FAHD2B: variants seen among roughly 807,000 people sequenced by gnomAD.
FAHD2B encodes the protein fumarylacetoacetate hydrolase domain containing 2B.
FAHD2B carries 26 observed loss-of-function variants against 33.7 expected under a neutral mutation model. The ratio of observed to expected loss-of-function variants is 0.77; its 90% CI spans 0.57 to 1.07. FAHD2B has a LOEUF of 1.07. Ranked by LOEUF, FAHD2B falls within the 50% of genes least tolerant of loss-of-function variation. The probability of loss-of-function intolerance (pLI) is 0.00; values close to 1 mark genes in which losing one functional copy is unlikely to be tolerated. For missense variants in FAHD2B, 272 were observed against 388.1 expected (o/e 0.70, Z 2.51); for synonymous variants, 108 against 150.9 (o/e 0.72, Z 2.08).
At chr2:97,082,021 C>T (rs1370576455), downstream of FAHD2B, 12 of 1,569,968 alleles carry the variant, frequency 7.6e-6, 1 homozygote, top group East Asian at 2.3e-5. Context: ...AGGGCAACGG[C>T]GACTGAGCAG....
chr2:97,081,198 C>A, downstream of FAHD2B: 1 of 1,490,956 alleles, frequency 6.7e-7, no homozygotes, highest in East Asian at 2.3e-5. Flanking sequence ...AGCTGTACCG[C>A]CAGATCCTGC....
intron 4 of FAHD2B, among the ~76,000 whole-genome samples, chr2:97,088,703 G>C (rs949224730): frequency 6.6e-6 from 1 of 152,040 alleles, no homozygotes; most frequent in Non-Finnish European, 1.5e-5. Flanking sequence ...ACTGAATACA[G>C]TGTGTGCCCT....
At chr2:97,081,238 C>A, downstream of FAHD2B, 5 of 1,487,422 alleles carry the variant, frequency 3.4e-6, no homozygotes, top group Non-Finnish European at 4.5e-6. Context: ...GCAAGACCTG[C>A]TGCTGCTAAA....
chr2:97,084,166 C>T lies in FAHD2B; in HGVS notation c.794+3G>A. ...GGCTGGCAGGACAGCCCTTGTCACTCACTGGGAGACCCAGGCTATCAGGTC... is the reference window on the plus strand; with the variant it reads ...GGCTGGCAGGACAGCCCTTGTCACTTACTGGGAGACCCAGGCTATCAGGTC... On this transcript the variant is annotated splice_donor_region_variant and intron_variant, in intron 7 of 8. Coordinates refer to ENST00000414820, the MANE Select transcript of FAHD2B (RefSeq NM_001320848.2). 6.2e-7 allele frequency: 1 copy of T among 1,613,776 alleles called. No homozygotes were observed. Among genetic ancestry groups the T allele is most frequent in the Non-Finnish European group, 8.5e-7 (1 of 1,179,846 alleles).
downstream of FAHD2B, chr2:97,083,513 A>G: frequency 3.0e-6 from 2 of 667,732 alleles, no homozygotes; most frequent in Non-Finnish European, 4.8e-6. Context: ...TCTTCTTCCC[A>G]GTCCCACAAA....
intron 1 of FAHD2B, among the ~76,000 whole-genome samples, chr2:97,093,851 G>C (rs1215374846): frequency 6.6e-6 from 1 of 152,106 alleles, no homozygotes; most frequent in Non-Finnish European, 1.5e-5. Context: ...GCTTAAAGCG[G>C]TTAAGGGATT....
rs532378672 is a variant in FAHD2B at position 97,089,556 on chromosome 2, T to C, written c.462+553A>G. ...AAAAAAGGAAATAATAATATATTAA[T>C]GGACATGCAAAGTCTTTTCTACATA... is the stretch of plus-strand genomic sequence containing the variant. On this transcript the variant is annotated intron_variant, in intron 4 of 8. Transcript: ENST00000414820. Among the ~76,000 whole-genome samples the C allele has an allele frequency of 2.5e-3, 371 of 149,996 alleles. 7 individuals carry two copies. The highest frequency in any genetic ancestry group is 2.3e-3 in the Admixed American group (34 of 14,958).
chr2:97,090,047 T>G, intron 4 of FAHD2B, 62 bp downstream of exon 4: 1 of 1,515,354 alleles, frequency 6.6e-7, no homozygotes, highest in South Asian at 1.2e-5. Context: ...GGCTCAATAC[T>G]GAGCTCAGAA....
chr2:97,083,002 C>T (rs941051502), downstream of FAHD2B: 232 of 958,180 alleles, frequency 2.4e-4, 2 homozygotes, highest in Non-Finnish European at 3.0e-4. Flanking sequence ...GGCTGCTTTG[C>T]GGCAGCATTT....
downstream of FAHD2B, among the ~76,000 whole-genome samples, chr2:97,078,779 G>A (rs1052474604): frequency 3.9e-5 from 6 of 151,902 alleles, 1 homozygote; most frequent in Non-Finnish European, 8.8e-5. Context: ...TTTAAATTCA[G>A]GGGTACATGT....
downstream of FAHD2B, chr2:97,081,653 G>T (rs765533055): frequency 1.7e-5 from 24 of 1,421,548 alleles, no homozygotes; most frequent in Non-Finnish European, 2.0e-5. Flanking sequence ...GCCTTGCAGC[G>T]GGGAAGCCTA....
intron 1 of FAHD2B, among the ~76,000 whole-genome samples, chr2:97,092,967 A>G (rs2032441863): frequency 7.3e-6 from 1 of 136,656 alleles, no homozygotes; most frequent in African/African-American, 3.1e-5. Context: ...AGCGACTCCA[A>G]AAAAAAAAAA....
downstream of FAHD2B, chr2:97,082,270 T>C: frequency 6.4e-7 from 1 of 1,572,736 alleles, no homozygotes; most frequent in Non-Finnish European, 8.6e-7. Flanking sequence ...TCAAGGCCTT[T>C]GCACAGGCTG....
chr2:97,080,715 C>T (rs557114942), downstream of FAHD2B, among the ~76,000 whole-genome samples: 1 of 152,180 alleles, frequency 6.6e-6, no homozygotes, highest in Non-Finnish European at 1.5e-5. Context: ...TCTCCCTATA[C>T]ATGAGCATGG....
intron 4 of FAHD2B, among the ~76,000 whole-genome samples, chr2:97,089,345 C>A (rs554048213): frequency 6.6e-6 from 1 of 150,784 alleles, no homozygotes; most frequent in African/African-American, 2.4e-5. Flanking sequence ...ATGGTAAAAC[C>A]CCATCTCTAC....
intron 4 of FAHD2B, among the ~76,000 whole-genome samples, chr2:97,088,984 GAAACCAGGTGAAAA>G (rs2032169937): frequency 6.6e-6 from 1 of 152,058 alleles, no homozygotes; most frequent in South Asian, 2.1e-4. Context: ...TGTCTACAGT[GAAACCAGGTGAAAA>G]GTATATGAGC....
chr2:97,090,583 G>A lies in FAHD2B; in HGVS notation c.246-258C>T, dbSNP rs141675628. Among the ~76,000 whole-genome samples the A allele has an allele frequency of 2.6e-4, 39 of 152,162 alleles. 2 individuals are homozygous for A. The East Asian group carries it at 7.1e-3, about 28-fold the overall frequency. ...GTAAAAGATACAAACTGGAATACAT[G>A]GAAAGGTCTCCCTTTCCCCTTCTGG... On this transcript the variant is annotated intron_variant, in intron 3 of 8. Transcript: ENST00000414820.
rs756793643 is a variant in FAHD2B at position 97,091,817 on chromosome 2, C to T, written c.-7+46G>A. 67 of 1,493,480 alleles carry T rather than the reference C, an allele frequency of 4.5e-5. 1 individual carries two copies. Among genetic ancestry groups the T allele is most frequent in the South Asian group, 2.5e-4 (18 of 72,612 alleles). The allele number at this position is 1,493,480 out of a possible 1,614,324, so 92.5% of individuals were successfully genotyped here. ...GCCCAAGGCCCTTTGCCCCATCAAC[C>T]GTTCCCTGCATACCACACGGGAAGC... On this transcript the variant is annotated intron_variant, in intron 2 of 8. Coordinates refer to ENST00000414820, the MANE Select transcript of FAHD2B (RefSeq NM_001320848.2).
At chr2:97,081,455 C>A, downstream of FAHD2B, 1 of 1,575,962 alleles carries the variant, frequency 6.3e-7, no homozygotes, top group South Asian at 1.2e-5. Flanking sequence ...AGTCTTCCTA[C>A]TGCTACTGTC....
Sources: allele counts gnomAD v4.1 joint callset (sites outside exome capture counted in the v4.1 genomes callset), GRCh38; gene constraint gnomAD v4.1.1; transcripts MANE v1.5; gene names NCBI Gene and HGNC (gene_info 2026-07-23, HGNC 2026-07-21).